Variants in SDK2 observed in about 807,000 individuals in gnomAD.
The protein encoded by SDK2 is sidekick cell adhesion molecule 2, also known as protein sidekick-2.
SDK2 carries 105 observed loss-of-function variants against 253.9 expected under a neutral mutation model. That is an observed-to-expected ratio of 0.41 (90% CI 0.35 to 0.49). SDK2 has a LOEUF of 0.49. SDK2 is among the 20% of genes least tolerant of loss of function. The pLI is 0.06. For missense variants in SDK2, 2,608 were observed against 3,003.0 expected, an observed-to-expected ratio of 0.87 and a Z score of 3.07; for synonymous variants, 1,249 against 1,234.9, an observed-to-expected ratio of 1.01 and a Z score of -0.24.
chr17:73,465,271 C>A lies in SDK2; in HGVS notation c.331+6841G>T, dbSNP rs1248205092. Among the ~76,000 whole-genome samples, 1 of 125,636 alleles carries A rather than the reference C, an allele frequency of 8.0e-6. No homozygotes were observed. Among genetic ancestry groups the A allele is most frequent in the African/African-American group, 3.0e-5 (1 of 33,458 alleles). 82.4% of individuals were successfully genotyped at this position (125,636 alleles called of 152,430 possible). A position where few individuals can be genotyped will look rare whatever the true frequency, so the allele number is the denominator to read the frequency against. On this transcript the variant is annotated intron_variant, in intron 3 of 44. Transcript: ENST00000392650. This position sits in a 1 kb window ranked among gnomAD's most constrained non-coding sequence, Gnocchi z 4.2. ...CTTGGTAGGAAGGAAGCTGGCCAGC[C>A]TCCCAGGATGGGGCAGGCGCTCTGC...
chr17:73,407,505 C>T (rs1189584757), intron 18 of SDK2, among the ~76,000 whole-genome samples: 1 of 152,128 alleles, frequency 6.6e-6, no homozygotes, highest in Middle Eastern at 3.4e-3. Flanking sequence ...CTACCAAACC[C>T]AAAACAAAAC....
At chr17:73,495,972 A>G (rs2063839043) in intron 2 of SDK2, among the ~76,000 whole-genome samples, 1 of 152,196 alleles carries the variant, frequency 6.6e-6, no homozygotes, top group Non-Finnish European at 1.5e-5. Context: ...TTTTCAGACA[A>G]GATGTCCAAG....
chr17:73,510,867 G>A (rs2063974494), intron 1 of SDK2, among the ~76,000 whole-genome samples: 1 of 152,190 alleles, frequency 6.6e-6, no homozygotes, highest in Non-Finnish European at 1.5e-5. Flanking sequence ...CAAGCGTCAG[G>A]TGAACGCAGC....
Position 73,618,004 on chromosome 17 carries a change from C to A in SDK2, c.64+26021G>T, listed in dbSNP as rs2143176171. Among the ~76,000 whole-genome samples the A allele has an allele frequency of 6.6e-6, 1 of 152,312 alleles. No homozygotes were observed. Among genetic ancestry groups the A allele is most frequent in the Non-Finnish European group, 1.5e-5 (1 of 68,034 alleles). On this transcript the variant is annotated intron_variant, in intron 1 of 44. Coordinates refer to ENST00000392650, the MANE Select transcript of SDK2 (RefSeq NM_001144952.2). The surrounding 1 kb of genome is among the most constrained non-coding windows in gnomAD (Gnocchi z 4.1). ...GCAAGCTGCTGTCTGACGAGTTAAC[C>A]ACTAGACCGAACCCACCAGGCCAAG...
chr17:73,413,908 A>G (rs993398751), intron 18 of SDK2, among the ~76,000 whole-genome samples: 4 of 152,170 alleles, frequency 2.6e-5, no homozygotes, highest in Non-Finnish European at 4.4e-5. Flanking sequence ...CATTAACCAC[A>G]CACTACGTGG....
chr17:73,425,856 T>A (rs901129502), intron 12 of SDK2, among the ~76,000 whole-genome samples: 2 of 151,836 alleles, frequency 1.3e-5, no homozygotes, highest in Admixed American at 1.3e-4. Context: ...TCACCTGTAA[T>A]ATGAGGAAAC....
chr17:73,498,389 C>T (rs2063860340), intron 2 of SDK2, among the ~76,000 whole-genome samples: 1 of 152,194 alleles, frequency 6.6e-6, no homozygotes, highest in Non-Finnish European at 1.5e-5. Flanking sequence ...TACTTAGAGT[C>T]CTGTGAGCAC....
At chr17:73,610,712 G>A (rs1386396030) in intron 1 of SDK2, among the ~76,000 whole-genome samples, 2 of 152,206 alleles carry the variant, frequency 1.3e-5, no homozygotes, top group Admixed American at 1.3e-4. Context: ...GTGTCTGTGT[G>A]TGTTAGGTGT....
At chr17:73,538,799 T>C (rs2044820627) in intron 1 of SDK2, among the ~76,000 whole-genome samples, 1 of 152,218 alleles carries the variant, frequency 6.6e-6, no homozygotes. Context: ...CTGAAGAGGC[T>C]AGGAGTCCCA....
chr17:73,362,573 T>C (rs144490338), intron 38 of SDK2, among the ~76,000 whole-genome samples: 161 of 152,276 alleles, frequency 1.1e-3, no homozygotes, highest in African/African-American at 3.6e-3. Flanking sequence ...TAAATTTTTG[T>C]AGAGACAGGG....
chr17:73,592,416 C>G (rs1347076535), intron 1 of SDK2, among the ~76,000 whole-genome samples: 1 of 152,228 alleles, frequency 6.6e-6, no homozygotes, highest in Non-Finnish European at 1.5e-5. Context: ...CAGAACCCAG[C>G]CAAAGAGGGA....
At chr17:73,607,087 G>A (rs1341028480) in intron 1 of SDK2, among the ~76,000 whole-genome samples, 9 of 152,166 alleles carry the variant, frequency 5.9e-5, no homozygotes, top group Non-Finnish European at 1.3e-4. Flanking sequence ...TGGCCTCTTT[G>A]TCCCATGCTC....
intron 3 of SDK2, among the ~76,000 whole-genome samples, chr17:73,458,320 C>T (rs1479734222): frequency 6.6e-6 from 1 of 152,150 alleles, no homozygotes; most frequent in African/African-American, 2.4e-5. Context: ...CTCAGAATCT[C>T]CTGAGACTTG....
chr17:73,462,077 G>A (rs1006914377), intron 3 of SDK2, among the ~76,000 whole-genome samples: 6 of 152,126 alleles, frequency 3.9e-5, no homozygotes, highest in East Asian at 1.9e-4. Flanking sequence ...TTACATGCAC[G>A]TGTGCATGTA....
chr17:73,368,624 G>A, intron 36 of SDK2, 31 bp from the exon 37 acceptor site: 1 of 1,508,220 alleles, frequency 6.6e-7, no homozygotes, highest in Non-Finnish European at 8.9e-7. Context: ...GGGAGTGAGG[G>A]GGACAGGGGC....
At chr17:73,613,377 C>A (rs2046002777) in intron 1 of SDK2, among the ~76,000 whole-genome samples, 1 of 151,594 alleles carries the variant, frequency 6.6e-6, no homozygotes, top group Non-Finnish European at 1.5e-5. Context: ...CCTCCAGGTC[C>A]CCCTGGCCCC....
At chr17:73,422,882 A>G (rs184629806) in intron 14 of SDK2, among the ~76,000 whole-genome samples, 174 of 152,172 alleles carry the variant, frequency 1.1e-3, no homozygotes, top group Non-Finnish European at 2.0e-3. Context: ...TTAGCTGGGC[A>G]TGGTGATGTA....
intron 18 of SDK2, among the ~76,000 whole-genome samples, chr17:73,411,437 G>A (rs1011777428): frequency 1.3e-5 from 2 of 152,078 alleles, no homozygotes; most frequent in Non-Finnish European, 2.9e-5. Context: ...GAGGTCATGC[G>A]TTCCCTGGAC....
rs1291187453 is a variant in SDK2 at position 73,587,046 on chromosome 17, T to A, written c.64+56979A>T. Among the ~76,000 whole-genome samples the A allele has an allele frequency of 3.3e-5, 5 of 152,166 alleles. No individual in the cohort carries two copies. The East Asian group carries it at 9.6e-4, about 29-fold the overall frequency. The stretch of plus-strand genomic sequence containing the variant: ...TAACTGTCATATGTAAAGGGCTCGG[T>A]ATGGTGCCTGGCCTGTGGCTGCTGC... On this transcript the variant is annotated intron_variant, in intron 1 of 44. Transcript: ENST00000392650.
Sources: allele counts gnomAD v4.1 joint callset (sites outside exome capture counted in the v4.1 genomes callset), GRCh38; gene constraint gnomAD v4.1.1; non-coding constraint Gnocchi (gnomAD v3.1); transcripts MANE v1.5; gene names NCBI Gene and HGNC (gene_info 2026-07-23, HGNC 2026-07-21).